The following VWDE variants were observed in gnomAD, a reference collection of about 807,000 sequenced individuals.
The protein encoded by VWDE is von Willebrand factor D and EGF domain-containing protein.
In VWDE, 207 loss-of-function variants were observed where a neutral mutation model predicts 178.4. The observed-to-expected ratio is 1.16, with a 90% confidence interval of 1.04 to 1.30. VWDE has a LOEUF of 1.30. Ranked by LOEUF, VWDE falls within the 50% of genes most tolerant of loss-of-function variation. The pLI is 0.00. For synonymous variants in VWDE, 738 were observed against 651.4 expected (o/e 1.13, Z -2.02); for missense variants, 2,287 against 1,901.3 (o/e 1.20, Z -3.77).
chr7:12,362,881 A>G (rs765090418), intron 13 of VWDE, among the ~76,000 whole-genome samples: 11 of 152,228 alleles, frequency 7.2e-5, no homozygotes, highest in Admixed American at 5.2e-4. Flanking sequence ...CATGATATCT[A>G]CACTTAGGTG....
intron 1 of VWDE, among the ~76,000 whole-genome samples, chr7:12,401,683 A>C (rs1407679468): frequency 6.6e-6 from 1 of 152,176 alleles, no homozygotes; most frequent in East Asian, 1.9e-4. Context: ...AGCTTTACAC[A>C]CTGTTGCAGA....
intron 23 of VWDE, 122 bp from the exon 24 acceptor site, chr7:12,340,539 A>G: frequency 1.5e-6 from 1 of 647,218 alleles, no homozygotes; most frequent in Non-Finnish European, 2.6e-6. Context: ...TAAAGCCCAT[A>G]ATGTATAATT....
At chr7:12,391,076 GATA>G (rs1297284426) in intron 2 of VWDE, among the ~76,000 whole-genome samples, 8 of 152,090 alleles carry the variant, frequency 5.3e-5, no homozygotes, top group Admixed American at 2.0e-4. Flanking sequence ...ATAGGAAAAT[GATA>G]ATGCTATAAC....
At chr7:12,338,903 C>T (rs2128545543) in intron 24 of VWDE, among the ~76,000 whole-genome samples, 1 of 152,242 alleles carries the variant, frequency 6.6e-6, no homozygotes, top group Non-Finnish European at 1.5e-5. Context: ...CTATAGTGCA[C>T]ATAGTATATG....
At chr7:12,333,379 A>T in intron 28 of VWDE, 86 bp downstream of exon 28, 1 of 783,286 alleles carries the variant, frequency 1.3e-6, no homozygotes, top group Non-Finnish European at 1.9e-6. Flanking sequence ...ATAATAAAAA[A>T]ACATTAATTA....
At chr7:12,376,371 C>T (rs568376221) in intron 7 of VWDE, among the ~76,000 whole-genome samples, 4 of 152,058 alleles carry the variant, frequency 2.6e-5, no homozygotes, top group South Asian at 4.1e-4. Context: ...GAGGGGTATC[C>T]AGAATGAAAT....
chr7:12,331,055 A>T lies in VWDE; in HGVS notation c.*128T>A. The T allele has an allele frequency of 1.5e-6, 1 of 650,826 alleles. No homozygotes were observed. The highest frequency in any genetic ancestry group is 2.6e-6 in the Non-Finnish European group (1 of 392,102). 40.3% of individuals were successfully genotyped at this position (650,826 alleles called of 1,614,324 possible). On this transcript the variant is annotated 3_prime_UTR_variant, in exon 29 of 29. Transcript: ENST00000275358. ...AACAGAGATCATTATGTATTTTATT[A>T]GTTTCTTCAGTCTTTAAGATATTTT...
rs111792338 is a variant in VWDE, at chr7:12,396,720, A to C, written c.59-2942T>G. 5.3e-5 allele frequency among the ~76,000 whole-genome samples: 8 copies of C among 152,038 alleles called. 1 individual carries two copies. The highest frequency in any genetic ancestry group is 1.9e-4 in the African/African-American group (8 of 41,452). ...CACCTGAGGCCAGGAGTTGGAGACCAGCCTGACCAACAAGGAGAAACCCCA... is the reference window on the plus strand; with the variant it reads ...CACCTGAGGCCAGGAGTTGGAGACCCGCCTGACCAACAAGGAGAAACCCCA... On this transcript the variant is annotated intron_variant, in intron 1 of 28. Coordinates refer to ENST00000275358, the MANE Select transcript of VWDE (RefSeq NM_001135924.3).
At chr7:12,347,554 T>C (rs1330309230) in intron 19 of VWDE, among the ~76,000 whole-genome samples, 1 of 151,694 alleles carries the variant, frequency 6.6e-6, no homozygotes, top group African/African-American at 2.4e-5. Flanking sequence ...TATTAGAAAA[T>C]AATAACATAA....
chr7:12,356,468 AC>A (rs1782260449), intron 17 of VWDE, 138 bp from the exon 18 acceptor site: 2 of 653,332 alleles, frequency 3.1e-6, no homozygotes, highest in Non-Finnish European at 2.6e-6. Context: ...ATACACACAC[AC>A]ACAAATGTAA....
In VWDE at chr7:12,357,522, T is replaced by C. The variant is rs1056831450; in HGVS notation, c.3275-7A>G. 13 of 1,551,810 alleles carry C rather than the reference T, an allele frequency of 8.4e-6. No individual in the cohort carries two copies. The African/African-American group carries it at 1.2e-4, about 15-fold the overall frequency. On this transcript the variant is annotated splice_polypyrimidine_tract_variant and splice_region_variant and intron_variant, in intron 16 of 28. Coordinates refer to ENST00000275358, the MANE Select transcript of VWDE (RefSeq NM_001135924.3). ...ATCACTGGGGGCTGGTTGTCTGTAA[T>C]AGAGAAAACACTTAACTTTATACCC...
In VWDE at chr7:12,361,510, A is replaced by G; in HGVS notation, c.2910T>C (p.Ser970=). Residue 970 remains serine, a synonymous_variant, in exon 14 of 29, where the codon AGT becomes AGC. Transcript: ENST00000275358. ...AGATGGGTTCTCCAGGCATCCATTCACTGCTATTATACTGAAGACATAGTG... is the reference window on the plus strand; with the variant it reads ...AGATGGGTTCTCCAGGCATCCATTCGCTGCTATTATACTGAAGACATAGTG... ...CEVTKLQYNS[S]EWMPGEPIYT... The G allele has an allele frequency of 6.5e-7, 1 of 1,547,238 alleles. No homozygotes were observed. Among genetic ancestry groups the G allele is most frequent in the South Asian group, 1.2e-5 (1 of 82,656 alleles).
chr7:12,369,571 C>G lies in VWDE; in HGVS notation c.2735G>C (p.Ser912Thr), dbSNP rs78231473. 2.7e-3 allele frequency: 4,098 copies of G among 1,541,626 alleles called. 87 individuals carry two copies. In the African/African-American group the frequency reaches 0.047, roughly 18 times the overall value. The change falls in exon 12 of 29, where the codon AGT becomes ACT. Residue 912 changes from serine to threonine, a missense_variant. By Grantham distance (58) the Ser-to-Thr change is moderately conservative. Transcript: ENST00000275358. ...EWGCACSPSF[S>T]SYDCSDSYDK... ...ATAGGAATCACTGCAGTCATAGGAA[C>G]TAAAGCTTGGGGAACACGCACACCC...
chr7:12,344,119 G>T, intron 21 of VWDE, 76 bp downstream of exon 21: 1 of 1,232,490 alleles, frequency 8.1e-7, no homozygotes, highest in Non-Finnish European at 1.2e-6. Flanking sequence ...AAACTGAATT[G>T]TCTTGTAAAA....
chr7:12,353,521 A>T (rs929838613), intron 18 of VWDE, among the ~76,000 whole-genome samples: 9 of 152,320 alleles, frequency 5.9e-5, no homozygotes, highest in South Asian at 2.1e-4. Flanking sequence ...TTCTCTCATC[A>T]TGCTAAAACC....
intron 2 of VWDE, among the ~76,000 whole-genome samples, chr7:12,392,685 T>C (rs539650518): frequency 6.6e-4 from 100 of 152,074 alleles, no homozygotes; most frequent in African/African-American, 2.1e-3. Context: ...TGGAAGAAAA[T>C]GTATTTGTCA....
chr7:12,403,586 AG>A, intron 1 of VWDE, 72 bp downstream of exon 1: 1 of 1,411,868 alleles, frequency 7.1e-7, no homozygotes, highest in South Asian at 1.4e-5. Context: ...TCGTCCAAAA[AG>A]TCTAGCCTAG....
chr7:12,366,958 A>G (rs1435889310), intron 13 of VWDE, among the ~76,000 whole-genome samples: 1 of 152,104 alleles, frequency 6.6e-6, no homozygotes, highest in Non-Finnish European at 1.5e-5. Context: ...GGAAAATATA[A>G]AGAATAAATG....
chr7:12,361,694 C>CAT (rs756857248), intron 13 of VWDE, among the ~76,000 whole-genome samples, 173 bp from the exon 14 acceptor site: 35 of 151,944 alleles, frequency 2.3e-4, no homozygotes, highest in Non-Finnish European at 4.6e-4. Context: ...TAACGAAAAA[C>CAT]ATATATATGT....
Sources: gnomAD v4.1 joint callset for allele counts (sites outside exome capture counted in the v4.1 genomes callset) on GRCh38, gnomAD v4.1.1 for gene constraint, MANE v1.5 for transcripts, NCBI Gene and HGNC (gene_info 2026-07-23, HGNC 2026-07-21) for gene names.